DNAAF4: variants seen among roughly 807,000 people sequenced by gnomAD.
DNAAF4 encodes dynein axonemal assembly factor 4, also known as dynein assembly factor 4, axonemal.
DNAAF4 carries 43 observed loss-of-function variants against 51.8 expected under a neutral mutation model. The observed-to-expected ratio is 0.83, with a 90% CI of 0.65 to 1.07. DNAAF4 has a LOEUF of 1.07. Among genes scored for constraint, DNAAF4 ranks in the 50% least tolerant of loss-of-function variants. DNAAF4 has a pLI of 0.00. For synonymous variants in DNAAF4, 194 were observed against 165.6 expected, an observed-to-expected ratio of 1.17 and a Z score of -1.32; for missense variants, 581 against 493.0, an observed-to-expected ratio of 1.18 and a Z score of -1.69.
chr15:55,492,847 T>TA (rs1346544455), intron 3 of DNAAF4, among the ~76,000 whole-genome samples: 3 of 152,338 alleles, frequency 2.0e-5, no homozygotes, highest in Non-Finnish European at 4.4e-5. Flanking sequence ...CAAATTGTGA[T>TA]ACACGATTAT....
intron 4 of DNAAF4, among the ~76,000 whole-genome samples, chr15:55,482,479 C>T (rs2058425361): frequency 6.6e-6 from 1 of 152,090 alleles, no homozygotes; most frequent in Non-Finnish European, 1.5e-5. Context: ...GAGTTAGAGA[C>T]CAGCCTGGCT....
In DNAAF4 at chr15:55,498,476, T is replaced by G. The variant is rs562013700; in HGVS notation, c.-147A>C. On this transcript the variant is annotated 5_prime_UTR_variant, in exon 2 of 10. Transcript: ENST00000321149. The stretch of plus-strand genomic sequence containing the variant: ...CCCAGCGTGCTCCGGCGCCAGCACC[T>G]CGCGGACTCCATGCGTGACTATCCA... 4 of 1,234,248 alleles carry G rather than the reference T, an allele frequency of 3.2e-6. No individual in the cohort carries two copies. Among genetic ancestry groups the G allele is most frequent in the Non-Finnish European group, 4.4e-6 (4 of 917,710 alleles). 76.5% of individuals were successfully genotyped at this position (1,234,248 alleles called of 1,614,324 possible).
At chr15:55,468,687 A>G (rs1485206865) in intron 4 of DNAAF4, among the ~76,000 whole-genome samples, 2 of 152,296 alleles carry the variant, frequency 1.3e-5, no homozygotes, top group Middle Eastern at 3.4e-3. Flanking sequence ...CTCACCCATC[A>G]TACTCCCTGC....
chr15:55,464,682 G>A (rs1318075736), intron 5 of DNAAF4, among the ~76,000 whole-genome samples: 89 of 152,132 alleles, frequency 5.9e-4, no homozygotes. Flanking sequence ...ATATACAAAT[G>A]TCCCGCCAGG....
At chr15:55,467,763 CTA>C (rs2058190851) in intron 4 of DNAAF4, among the ~76,000 whole-genome samples, 3 of 150,284 alleles carry the variant, frequency 2.0e-5, no homozygotes. Flanking sequence ...GCTGCAAAAC[CTA>C]TGTTTGCACT....
intron 8 of DNAAF4, among the ~76,000 whole-genome samples, chr15:55,433,402 G>A (rs1595889923): frequency 6.6e-6 from 1 of 152,162 alleles, no homozygotes; most frequent in African/African-American, 2.4e-5. Context: ...CCAGGCGGGC[G>A]GATTACGAAG....
At chr15:55,482,900 A>G (rs1397906043) in intron 4 of DNAAF4, among the ~76,000 whole-genome samples, 1 of 152,124 alleles carries the variant, frequency 6.6e-6, no homozygotes, top group Admixed American at 6.5e-5. Flanking sequence ...TATAAGCCCT[A>G]TATACATTTT....
chr15:55,443,769 G>C (rs2057753520), intron 6 of DNAAF4, among the ~76,000 whole-genome samples: 1 of 152,142 alleles, frequency 6.6e-6, no homozygotes, highest in East Asian at 1.9e-4. Flanking sequence ...TCTCATTGTG[G>C]TTTTGATTTG....
intron 7 of DNAAF4, among the ~76,000 whole-genome samples, chr15:55,421,081 T>C (rs2057384117): frequency 6.6e-6 from 1 of 151,050 alleles, no homozygotes; most frequent in Non-Finnish European, 1.5e-5. Flanking sequence ...TCCCAGCTAC[T>C]TAGGAGGCTG....
chr15:55,448,972 T>C (rs1440242940), intron 6 of DNAAF4, among the ~76,000 whole-genome samples: 1 of 151,566 alleles, frequency 6.6e-6, no homozygotes, highest in Non-Finnish European at 1.5e-5. Context: ...ATTATTTATA[T>C]TGTCATTATG....
intron 1 of DNAAF4, among the ~76,000 whole-genome samples, chr15:55,503,848 C>T (rs1467798640): frequency 6.6e-6 from 1 of 152,112 alleles, no homozygotes; most frequent in Non-Finnish European, 1.5e-5. Flanking sequence ...GGAAGCATTC[C>T]CTTTGAAAAC....
At chr15:55,500,164 T>G (rs912024023) in intron 1 of DNAAF4, among the ~76,000 whole-genome samples, 1 of 152,200 alleles carries the variant, frequency 6.6e-6, no homozygotes, top group Non-Finnish European at 1.5e-5. Context: ...CAAATTTCAA[T>G]GCTCCTTAGA....
chr15:55,447,554 A>G (rs2057853469), intron 6 of DNAAF4, among the ~76,000 whole-genome samples: 1 of 151,578 alleles, frequency 6.6e-6, no homozygotes, highest in African/African-American at 2.4e-5. Flanking sequence ...CGGGCAGATC[A>G]GGAGCTGGAG....
At chr15:55,448,047 T>A (rs979860286) in intron 6 of DNAAF4, among the ~76,000 whole-genome samples, 2 of 152,164 alleles carry the variant, frequency 1.3e-5, no homozygotes, top group African/African-American at 4.8e-5. Context: ...GGCTGTGGGT[T>A]TGTCATAAAT....
intron 6 of DNAAF4, chr15:55,442,701 A>G: frequency 6.8e-7 from 1 of 1,474,288 alleles, no homozygotes; most frequent in Non-Finnish European, 9.5e-7. Context: ...GGGTCTTCTC[A>G]TCAACACTCT....
At chr15:55,448,136 G>C (rs1326328718) in intron 6 of DNAAF4, among the ~76,000 whole-genome samples, 1 of 152,026 alleles carries the variant, frequency 6.6e-6, no homozygotes, top group African/African-American at 2.4e-5. Flanking sequence ...GTTGAATTTT[G>C]TCAAAGGCCT....
At chr15:55,455,948 G>A (rs1409325372) in intron 5 of DNAAF4, among the ~76,000 whole-genome samples, 1 of 151,498 alleles carries the variant, frequency 6.6e-6, no homozygotes, top group African/African-American at 2.4e-5. Flanking sequence ...AGTGACCCAA[G>A]CAATAAAATC....
intron 8 of DNAAF4, among the ~76,000 whole-genome samples, chr15:55,433,186 G>C (rs1413916551): frequency 2.0e-5 from 3 of 152,114 alleles, no homozygotes; most frequent in Non-Finnish European, 4.4e-5. Context: ...TGTAATCCCA[G>C]CTACTCAGGA....
intron 4 of DNAAF4, 103 bp downstream of exon 4, chr15:55,491,020 A>C: frequency 7.2e-7 from 1 of 1,387,246 alleles, no homozygotes; most frequent in Admixed American, 2.0e-5. Context: ...CTCTAAACAA[A>C]GTATGAAGAA....
Sources: allele counts gnomAD v4.1 joint callset (sites outside exome capture counted in the v4.1 genomes callset), GRCh38; gene constraint gnomAD v4.1.1; transcripts MANE v1.5; gene names NCBI Gene and HGNC (gene_info 2026-07-23, HGNC 2026-07-21).